BMP7: variants seen among roughly 807,000 people sequenced by gnomAD.
BMP7 encodes osteogenic protein 1.
In BMP7, 12 loss-of-function variants were observed where a neutral mutation model predicts 41.2. The observed-to-expected ratio is 0.29, with a 90% CI of 0.19 to 0.47. The LOEUF (loss-of-function observed/expected upper bound fraction) is 0.47, where lower values mean the gene tolerates loss of function less well. Ranked by LOEUF, BMP7 falls within the 20% of genes least tolerant of loss-of-function variation. The pLI, the probability that BMP7 is intolerant of heterozygous loss-of-function variation, is 0.99. For synonymous variants in BMP7, 248 were observed against 250.0 expected (o/e 0.99, Z 0.07); for missense variants, 467 against 606.0 (o/e 0.77, Z 2.41).
chr20:57,173,963 TA>T (rs1983867032), intron 5 of BMP7, among the ~76,000 whole-genome samples: 1 of 152,162 alleles, frequency 6.6e-6, no homozygotes, highest in Non-Finnish European at 1.5e-5. Flanking sequence ...TGTTGCCCAA[TA>T]ATCAATATAC....
chr20:57,260,846 C>A (rs189626716), intron 1 of BMP7, among the ~76,000 whole-genome samples: 1 of 152,176 alleles, frequency 6.6e-6, no homozygotes, highest in African/African-American at 2.4e-5. Flanking sequence ...TGCCAACAGC[C>A]CCCCCGCTAA....
At chr20:57,202,774 G>A in intron 2 of BMP7, 151 bp from the exon 3 acceptor site, 1 of 928,316 alleles carries the variant, frequency 1.1e-6, no homozygotes, top group Non-Finnish European at 1.6e-6. Context: ...CAAGATCCAG[G>A]CACAAAGACC....
intron 4 of BMP7, chr20:57,177,780 T>C (rs6025426): frequency 0.97 from 147,566 of 152,372 alleles, 71,626 homozygotes; most frequent in East Asian, 1. Flanking sequence ...GAAGTGAACT[T>C]GCTGAAGGCT....
In BMP7 at chr20:57,214,637, T is replaced by A. The variant is rs1013245811; in HGVS notation, c.612-12014A>T. ...CAACACTGTTCCCTGCCTTTTCACC[T>A]CCCTCACACCTGCCTGTTCTTGAGC... On this transcript the variant is annotated intron_variant, in intron 2 of 6. Coordinates refer to ENST00000395863, the MANE Select transcript of BMP7 (RefSeq NM_001719.3). The surrounding 1 kb of genome is among the most constrained non-coding windows in gnomAD (Gnocchi z 4.0). Among the ~76,000 whole-genome samples, 2 of 152,068 alleles carry A rather than the reference T, an allele frequency of 1.3e-5. No individual in the cohort carries two copies. Among genetic ancestry groups the A allele is most frequent in the African/African-American group, 4.8e-5 (2 of 41,396 alleles).
chr20:57,192,578 A>G (rs552832367), intron 3 of BMP7, among the ~76,000 whole-genome samples: 7 of 152,040 alleles, frequency 4.6e-5, no homozygotes, highest in African/African-American at 1.7e-4. Flanking sequence ...GCCAGCCTGC[A>G]TCTGTAAGGC....
At chr20:57,187,112 T>C (rs1041871829) in intron 3 of BMP7, 1 of 152,240 alleles carries the variant, frequency 6.6e-6, no homozygotes, top group Admixed American at 6.5e-5. Context: ...TGGCTTGCCT[T>C]GGGCAGCTGT....
At chr20:57,243,343 G>A (rs1006227152) in intron 1 of BMP7, among the ~76,000 whole-genome samples, 1 of 151,998 alleles carries the variant, frequency 6.6e-6, no homozygotes, top group Non-Finnish European at 1.5e-5. Flanking sequence ...GCTAGGCGTG[G>A]TGGTGCATTC....
chr20:57,202,369 G>A (rs1032175283), intron 3 of BMP7, 106 bp downstream of exon 3: 1 of 1,455,260 alleles, frequency 6.9e-7, no homozygotes, highest in East Asian at 2.5e-5. Flanking sequence ...GGTTGGGAGG[G>A]GCGGGGAAGC....
chr20:57,225,933 C>T (rs748171481), intron 2 of BMP7: 11 of 471,152 alleles, frequency 2.3e-5, no homozygotes, highest in South Asian at 1.7e-4. Flanking sequence ...GGTCGATGCC[C>T]TCAGGCATGG....
At chr20:57,190,389 G>A (rs62205662) in intron 3 of BMP7, among the ~76,000 whole-genome samples, 1 of 101,920 alleles carries the variant, frequency 9.8e-6, no homozygotes. Flanking sequence ...TGAGTGAGGA[G>A]CCCGAGGGGG....
At chr20:57,260,321 T>G (rs953936642) in intron 1 of BMP7, among the ~76,000 whole-genome samples, 2 of 152,102 alleles carry the variant, frequency 1.3e-5, no homozygotes, top group Admixed American at 6.6e-5. Flanking sequence ...GCATCCCCAG[T>G]CACTGCCTCT....
In BMP7 at chr20:57,183,917, G is replaced by C; in HGVS notation, c.763C>G (p.Gln255Glu). The C allele has an allele frequency of 6.2e-7, 1 of 1,613,432 alleles. No homozygotes were observed. Among genetic ancestry groups the C allele is most frequent in the Non-Finnish European group, 8.5e-7 (1 of 1,180,018 alleles). ...CCCGCCAACTTGGGGTTGATGCTCT[G>C]CCCTGGACAGGAAGCAGCCAAGTGC... ...LQLSVETLDG[Q>E]SINPKLAGLI... The change falls in exon 4 of 7, where the codon CAG (glutamine) becomes GAG (glutamate). Residue 255 changes from glutamine (Q) to glutamate (E), a missense_variant and splice_region_variant. By Grantham distance (29) the Gln-to-Glu change is conservative. Coordinates refer to ENST00000395863, the MANE Select transcript of BMP7 (RefSeq NM_001719.3).
At chr20:57,217,522 A>G (rs1985061235) in intron 2 of BMP7, among the ~76,000 whole-genome samples, 2 of 152,350 alleles carry the variant, frequency 1.3e-5, no homozygotes, top group South Asian at 4.1e-4. Context: ...TCAAGTTCAG[A>G]AGACATCGAG....
chr20:57,190,621 C>T (rs1012717589), intron 3 of BMP7, among the ~76,000 whole-genome samples: 3 of 152,022 alleles, frequency 2.0e-5, no homozygotes, highest in Non-Finnish European at 2.9e-5. Context: ...TTCTGAATGC[C>T]GTGTGGGGAA....
chr20:57,238,296 C>T (rs1030723816), intron 1 of BMP7, among the ~76,000 whole-genome samples: 2 of 152,206 alleles, frequency 1.3e-5, no homozygotes, highest in Non-Finnish European at 1.5e-5. Flanking sequence ...GAATGTCCTT[C>T]CTTTTTAAGG....
chr20:57,226,214 A>G (rs1043869886), intron 2 of BMP7, among the ~76,000 whole-genome samples: 6 of 152,328 alleles, frequency 3.9e-5, no homozygotes, highest in African/African-American at 1.2e-4. Flanking sequence ...GGTGCCCACA[A>G]AGCCAGCAGG....
At chr20:57,202,167 C>T (rs921043788) in intron 3 of BMP7, among the ~76,000 whole-genome samples, 1 of 152,174 alleles carries the variant, frequency 6.6e-6, no homozygotes, top group East Asian at 1.9e-4. Flanking sequence ...GGTTCTGATG[C>T]AGCAGGTCTG....
chr20:57,218,264 C>T (rs947062534), intron 2 of BMP7, among the ~76,000 whole-genome samples: 3 of 152,260 alleles, frequency 2.0e-5, no homozygotes, highest in Non-Finnish European at 2.9e-5. Flanking sequence ...AACTCCTAGC[C>T]CCTACACCTG....
chr20:57,254,183 C>T (rs1435918302), intron 1 of BMP7, among the ~76,000 whole-genome samples: 1 of 151,790 alleles, frequency 6.6e-6, no homozygotes. Context: ...CCACCACACC[C>T]CACTAATTTT....
Sources: allele counts gnomAD v4.1 joint callset (sites outside exome capture counted in the v4.1 genomes callset), GRCh38; gene constraint gnomAD v4.1.1; non-coding constraint Gnocchi (gnomAD v3.1); transcripts MANE v1.5; gene names NCBI Gene and HGNC (gene_info 2026-07-23, HGNC 2026-07-21).